NACC2: variants seen among roughly 807,000 people sequenced by gnomAD.
NACC2 encodes nucleus accumbens-associated protein 2.
NACC2 carries 8 observed loss-of-function variants against 25.1 expected under a neutral mutation model. The ratio of observed to expected loss-of-function variants is 0.32; its 90% CI spans 0.19 to 0.57. The LOEUF (loss-of-function observed/expected upper bound fraction) is 0.57. Ranked by LOEUF, NACC2 falls within the 20% of genes least tolerant of loss-of-function variation. NACC2 has a pLI of 0.89. For synonymous variants in NACC2, 435 were observed against 294.7 expected (o/e 1.48, Z -4.88); for missense variants, 644 against 650.2 (o/e 0.99, Z 0.10).
chr9:136,048,116 A>G (rs908166420), intron 2 of NACC2, among the ~76,000 whole-genome samples: 1 of 152,154 alleles, frequency 6.6e-6, no homozygotes, highest in Non-Finnish European at 1.5e-5. Context: ...GCTGCCATCA[A>G]TGGGGGATGT....
Position 136,011,773 on chromosome 9 carries a change from C to G in NACC2, c.1507G>C (p.Ala503Pro), listed in dbSNP as rs769752637. Reference protein sequence around the residue: ...QRIYAERRGDAATIVALRTDA... With the variant: ...QRIYAERRGDPATIVALRTDA... ...GTTCTCAGAGCCACGATGGTGGCGG[C>G]GTCGCCCCGCCGCTCGGCGTAGATG... The change falls in exon 6 of 6, where the codon GCC becomes CCC. Residue 503 changes from alanine (A) to proline (P), a missense_variant. Transcript: ENST00000277554. The G allele has an allele frequency of 1.3e-6, 2 of 1,531,386 alleles. No homozygotes were observed. Among genetic ancestry groups the G allele is most frequent in the Admixed American group, 3.9e-5 (2 of 50,808 alleles). 94.9% of individuals were successfully genotyped at this position (1,531,386 alleles called of 1,614,324 possible). A position where few individuals can be genotyped will look rare whatever the true frequency, so the allele number is the denominator to read the frequency against.
At chr9:136,074,725 T>C (rs1473857159) in intron 1 of NACC2, among the ~76,000 whole-genome samples, 1 of 151,936 alleles carries the variant, frequency 6.6e-6, no homozygotes, top group African/African-American at 2.4e-5. Flanking sequence ...CAGATGAAGC[T>C]GGACCTTCCG....
In NACC2 at chr9:136,035,464, AG is replaced by A. The variant is rs1276187997; in HGVS notation, c.886+14171del. Among the ~76,000 whole-genome samples the A allele has an allele frequency of 1.4e-4, 22 of 152,322 alleles. No homozygotes were observed. The East Asian group carries it at 4.2e-3, about 29-fold the overall frequency. ...AATGAACTGCGCTTTTCAAAGGATC[AG>A]TGTCAAAAAAGATAGAGGCTGAGAC... On this transcript the variant is annotated intron_variant, in intron 2 of 5. Coordinates refer to ENST00000277554, the MANE Select transcript of NACC2 (RefSeq NM_144653.5).
chr9:136,060,721 CAT>C (rs1840997478), intron 1 of NACC2, among the ~76,000 whole-genome samples: 3 of 152,250 alleles, frequency 2.0e-5, no homozygotes, highest in African/African-American at 4.8e-5. Flanking sequence ...GCGTGAGAAA[CAT>C]AGCCGGTGAG....
At chr9:136,082,799 G>A (rs1460677070) in intron 1 of NACC2, among the ~76,000 whole-genome samples, 1 of 152,184 alleles carries the variant, frequency 6.6e-6, no homozygotes, top group Non-Finnish European at 1.5e-5. Flanking sequence ...TCCCACAGAC[G>A]CCCCGTTCTC....
At chr9:136,073,918 T>C (rs541762650) in intron 1 of NACC2, among the ~76,000 whole-genome samples, 3 of 152,252 alleles carry the variant, frequency 2.0e-5, no homozygotes, top group Non-Finnish European at 4.4e-5. Flanking sequence ...CGGTGATCCT[T>C]CCCTCTGCCC....
intron 1 of NACC2, among the ~76,000 whole-genome samples, chr9:136,053,183 C>G (rs1239112787): frequency 6.6e-6 from 1 of 152,238 alleles, no homozygotes; most frequent in Non-Finnish European, 1.5e-5. Context: ...GCCCCTCACT[C>G]CCGGCGCCCC....
At chr9:136,035,478 T>C (rs1290922093) in intron 2 of NACC2, among the ~76,000 whole-genome samples, 1 of 152,070 alleles carries the variant, frequency 6.6e-6, no homozygotes, top group Admixed American at 6.5e-5. Context: ...TCAAAAAAGA[T>C]AGAGGCTGAG....
chr9:136,040,240 G>C (rs1002384808), intron 2 of NACC2, among the ~76,000 whole-genome samples: 2 of 152,058 alleles, frequency 1.3e-5, no homozygotes, highest in East Asian at 3.9e-4. Flanking sequence ...AGCTACTCGG[G>C]AGGCTGAGGC....
intron 1 of NACC2, among the ~76,000 whole-genome samples, chr9:136,059,543 G>GA (rs1023468136): frequency 3.1e-4 from 47 of 152,238 alleles, no homozygotes; most frequent in African/African-American, 1.0e-3. Context: ...GAGCTGGGGG[G>GA]TTGCCGAAGT....
At chr9:136,023,146 G>A (rs1308709629) in intron 2 of NACC2, among the ~76,000 whole-genome samples, 37 of 143,294 alleles carry the variant, frequency 2.6e-4, no homozygotes, top group Admixed American at 1.1e-3. Flanking sequence ...GGACCTGTAC[G>A]CATATCCTGG....
chr9:136,057,576 G>T lies in NACC2; in HGVS notation c.-59-6996C>A, dbSNP rs200840399. 4.6e-5 allele frequency among the ~76,000 whole-genome samples: 7 copies of T among 152,364 alleles called. No individual in the cohort carries two copies. In the East Asian group the frequency reaches 1.3e-3, roughly 29 times the overall value. Reference sequence around the variant, plus strand: ...CACCCATATTTGTAATTTAAATAACGTAAGCTTGAAGAGCGTCTCCCTCGG... The same window carrying T: ...CACCCATATTTGTAATTTAAATAACTTAAGCTTGAAGAGCGTCTCCCTCGG... On this transcript the variant is annotated intron_variant, in intron 1 of 5. Transcript: ENST00000277554.
intron 1 of NACC2, among the ~76,000 whole-genome samples, chr9:136,094,156 C>T (rs1830462357): frequency 1.3e-5 from 2 of 152,232 alleles, no homozygotes; most frequent in Admixed American, 6.5e-5. Context: ...GAACGCGCAG[C>T]AGAGAACACA....
At chr9:136,027,072 T>C (rs1840403105) in intron 2 of NACC2, among the ~76,000 whole-genome samples, 1 of 151,998 alleles carries the variant, frequency 6.6e-6, no homozygotes, top group South Asian at 2.1e-4. Flanking sequence ...CTACTAAAAA[T>C]AGAAACAGCC....
Position 136,025,629 on chromosome 9 carries a change from C to T in NACC2, c.887-9200G>A, listed in dbSNP as rs112916066. Among the ~76,000 whole-genome samples the T allele has an allele frequency of 3.8e-3, 566 of 147,818 alleles. 7 individuals are homozygous for T. The highest frequency in any genetic ancestry group is 0.013 in the African/African-American group (539 of 40,386). Reference sequence around the variant, plus strand: ...TAAGTCCTATTAAAAAAAAAAAAAACGCAGCCGGGCGCAGTGGCTCATGCC... The same window carrying T: ...TAAGTCCTATTAAAAAAAAAAAAAATGCAGCCGGGCGCAGTGGCTCATGCC... On this transcript the variant is annotated intron_variant, in intron 2 of 5. Coordinates refer to ENST00000277554, the MANE Select transcript of NACC2 (RefSeq NM_144653.5).
rs1251644101 is a variant in NACC2 at position 136,020,279 on chromosome 9, C to A, written c.887-3850G>T. On this transcript the variant is annotated intron_variant, in intron 2 of 5. Transcript: ENST00000277554. This position sits in a 1 kb window ranked among gnomAD's most constrained non-coding sequence, Gnocchi z 4.7. Reference sequence around the variant, plus strand: ...CCTCACCCTGACTTTTCTCAACTCCCTGGGTTACTGATTGGGTTCTGAGGT... The same window carrying A: ...CCTCACCCTGACTTTTCTCAACTCCATGGGTTACTGATTGGGTTCTGAGGT... Among the ~76,000 whole-genome samples the A allele has an allele frequency of 6.6e-6, 1 of 152,184 alleles. No individual in the cohort carries two copies. The highest frequency in any genetic ancestry group is 2.4e-5 in the African/African-American group (1 of 41,442).
At chr9:136,090,082 C>G (rs564710041) in intron 1 of NACC2, among the ~76,000 whole-genome samples, 19 of 152,102 alleles carry the variant, frequency 1.2e-4, no homozygotes, top group African/African-American at 4.1e-4. Flanking sequence ...ATTAAATGAG[C>G]AAAACTCTGT....
rs1211581875 is a variant in NACC2 at position 136,018,462 on chromosome 9, A to C, written c.887-2033T>G. Among the ~76,000 whole-genome samples, 1 of 151,534 alleles carries C rather than the reference A, an allele frequency of 6.6e-6. No homozygotes were observed. Among genetic ancestry groups the C allele is most frequent in the Non-Finnish European group, 1.5e-5 (1 of 67,848 alleles). ...CCCCACTGAAGGCAGCAGGTGTTCC[A>C]CTCCTGAGAACCATGCGGGGTCTGA... On this transcript the variant is annotated intron_variant, in intron 2 of 5. Transcript: ENST00000277554. This position sits in a 1 kb window ranked among gnomAD's most constrained non-coding sequence, Gnocchi z 4.4.
intron 2 of NACC2, among the ~76,000 whole-genome samples, chr9:136,021,130 T>C (rs1249423767): frequency 2.0e-5 from 3 of 152,176 alleles, no homozygotes; most frequent in Non-Finnish European, 4.4e-5. Context: ...GCAAATCACA[T>C]ATCTGACAAA....
Sources: gnomAD v4.1 joint callset for allele counts (sites outside exome capture counted in the v4.1 genomes callset) on GRCh38, gnomAD v4.1.1 for gene constraint, Gnocchi (gnomAD v3.1) non-coding constraint, MANE v1.5 for transcripts, NCBI Gene and HGNC (gene_info 2026-07-23, HGNC 2026-07-21) for gene names.